Variants in PGR observed in about 807,000 individuals in gnomAD.
PGR encodes progesterone receptor.
PGR carries 25 observed loss-of-function variants against 76.1 expected under a neutral mutation model. The ratio of observed to expected loss-of-function variants is 0.33; its 90% CI spans 0.24 to 0.46. The LOEUF (loss-of-function observed/expected upper bound fraction) is 0.46, where lower values mean the gene tolerates loss of function less well. PGR is among the 20% of genes least tolerant of loss of function. PGR has a pLI of 1.00. For synonymous variants in PGR, 579 were observed against 535.0 expected, an observed-to-expected ratio of 1.08 and a Z score of -1.14; for missense variants, 1,172 against 1,225.3, an observed-to-expected ratio of 0.96 and a Z score of 0.65.
chr11:101,117,549 C>T (rs1216732288), intron 2 of PGR, among the ~76,000 whole-genome samples: 1 of 151,950 alleles, frequency 6.6e-6, no homozygotes, highest in African/African-American at 2.4e-5. Flanking sequence ...AGAAAGTTTT[C>T]CATCCCAAGA....
intron 3 of PGR, among the ~76,000 whole-genome samples, chr11:101,079,084 G>A (rs1861220441): frequency 6.6e-6 from 1 of 152,030 alleles, no homozygotes; most frequent in South Asian, 2.1e-4. Context: ...CCTATATGCA[G>A]AAAACAGAAC....
At chr11:101,057,853 T>C (rs191209785) in intron 4 of PGR, among the ~76,000 whole-genome samples, 14 of 152,264 alleles carry the variant, frequency 9.2e-5, no homozygotes, top group Admixed American at 7.2e-4. Context: ...GGTGGAGCTG[T>C]GTAATAAGCA....
At chr11:101,073,073 A>G (rs1861000385) in intron 3 of PGR, among the ~76,000 whole-genome samples, 1 of 152,224 alleles carries the variant, frequency 6.6e-6, no homozygotes, top group Admixed American at 6.5e-5. Context: ...CATAATTGGA[A>G]GTAAAACACT....
intron 4 of PGR, among the ~76,000 whole-genome samples, chr11:101,053,478 T>G (rs1201414960): frequency 6.7e-6 from 1 of 149,644 alleles, no homozygotes; most frequent in Non-Finnish European, 1.5e-5. Flanking sequence ...CTCTTCAATG[T>G]CTAACCTTTT....
rs577984643 is a variant in PGR at position 101,116,632 on chromosome 11, C to A, written c.1789+9375G>T. Among the ~76,000 whole-genome samples, 98 of 148,470 alleles carry A rather than the reference C, an allele frequency of 6.6e-4. 1 individual carries two copies. Among genetic ancestry groups the A allele is most frequent in the Non-Finnish European group, 1.1e-3 (76 of 67,378 alleles). On this transcript the variant is annotated intron_variant, in intron 2 of 7. Transcript: ENST00000325455. ...GTGGGCACCTGTAATCCCAGCTATTCGGGAGGCTGAGGCAGGAGAATCACT... is the reference window on the plus strand; with the variant it reads ...GTGGGCACCTGTAATCCCAGCTATTAGGGAGGCTGAGGCAGGAGAATCACT...
At chr11:101,059,593 G>T (rs2135406607) in intron 4 of PGR, among the ~76,000 whole-genome samples, 1 of 152,116 alleles carries the variant, frequency 6.6e-6, no homozygotes, top group East Asian at 1.9e-4. Flanking sequence ...CAGCACTTTG[G>T]GAGGCTGAGG....
At chr11:101,105,935 C>CA (rs1183420603) in intron 2 of PGR, among the ~76,000 whole-genome samples, 3 of 152,098 alleles carry the variant, frequency 2.0e-5, no homozygotes, top group Non-Finnish European at 4.4e-5. Flanking sequence ...CATATACAAC[C>CA]ATCTGATCTT....
At chr11:101,085,152 C>G (rs1268975358) in intron 3 of PGR, among the ~76,000 whole-genome samples, 2 of 152,146 alleles carry the variant, frequency 1.3e-5, no homozygotes, top group Non-Finnish European at 2.9e-5. Flanking sequence ...CATCTGTACA[C>G]AGAACATATA....
chr11:101,034,180 A>G lies in PGR; in HGVS notation c.*4936T>C, dbSNP rs189706946. ...CTCTCCCATGTCTCCATGAGTGGAA[A>G]AAAAGCAAACAAACCTGTGTTTAAC... On this transcript the variant is annotated 3_prime_UTR_variant, in exon 8 of 8. Transcript: ENST00000325455. 166 of 225,680 alleles carry G rather than the reference A, an allele frequency of 7.4e-4. No individual in the cohort carries two copies. Among genetic ancestry groups the G allele is most frequent in the African/African-American group, 3.1e-3 (140 of 45,072 alleles). 14.0% of individuals were successfully genotyped at this position (225,680 alleles called of 1,614,324 possible). A position where few individuals can be genotyped will look rare whatever the true frequency, so the allele number is the denominator to read the frequency against.
intron 2 of PGR, among the ~76,000 whole-genome samples, chr11:101,113,260 T>C (rs1252543721): frequency 1.3e-5 from 2 of 152,036 alleles, no homozygotes; most frequent in Non-Finnish European, 2.9e-5. Flanking sequence ...TACCTTCTGC[T>C]AAATATCTTC....
intron 3 of PGR, among the ~76,000 whole-genome samples, chr11:101,077,579 G>A (rs1861169372): frequency 1.3e-5 from 2 of 152,216 alleles, no homozygotes; most frequent in South Asian, 4.1e-4. Context: ...ACTGAGTCTA[G>A]AAAATAATAA....
intron 6 of PGR, among the ~76,000 whole-genome samples, chr11:101,048,962 C>T (rs1219551009): frequency 6.6e-6 from 1 of 151,978 alleles, no homozygotes; most frequent in Non-Finnish European, 1.5e-5. Flanking sequence ...TTAGGCTGGA[C>T]TTAAAACTCC....
At chr11:101,090,977 C>T (rs1861657655) in intron 3 of PGR, among the ~76,000 whole-genome samples, 1 of 152,172 alleles carries the variant, frequency 6.6e-6, no homozygotes, top group South Asian at 2.1e-4. Context: ...ACATTTTTAG[C>T]TTTAACAATT....
intron 7 of PGR, among the ~76,000 whole-genome samples, 196 bp from the exon 8 acceptor site, chr11:101,039,467 T>C (rs938212728): frequency 6.6e-6 from 1 of 151,976 alleles, no homozygotes; most frequent in Non-Finnish European, 1.5e-5. Context: ...TGATAGAACA[T>C]TCTGATATTA....
intron 6 of PGR, among the ~76,000 whole-genome samples, chr11:101,043,057 A>G (rs1859746522): frequency 1.3e-5 from 2 of 152,322 alleles, no homozygotes; most frequent in South Asian, 4.1e-4. Flanking sequence ...AGTTTGCTGC[A>G]TCAGTTGACT....
At chr11:101,049,230 G>A (rs1057154821) in intron 6 of PGR, among the ~76,000 whole-genome samples, 1 of 152,020 alleles carries the variant, frequency 6.6e-6, no homozygotes, top group Admixed American at 6.6e-5. Context: ...TCTTCAGGGG[G>A]CAGTAACACA....
chr11:101,070,145 G>A (rs747047313), intron 3 of PGR, among the ~76,000 whole-genome samples: 14 of 152,120 alleles, frequency 9.2e-5, no homozygotes, highest in Non-Finnish European at 1.6e-4. Flanking sequence ...ATTGGGACTG[G>A]CTAGACAGTA....
At chr11:101,084,655 C>CT (rs1555056458) in intron 3 of PGR, among the ~76,000 whole-genome samples, 2 of 126,670 alleles carry the variant, frequency 1.6e-5, no homozygotes, top group Non-Finnish European at 3.2e-5. Flanking sequence ...AAGACTCCAT[C>CT]TAAAAAAAAA....
chr11:101,117,768 T>C (rs1470869205), intron 2 of PGR, among the ~76,000 whole-genome samples: 1 of 152,156 alleles, frequency 6.6e-6, no homozygotes, highest in Non-Finnish European at 1.5e-5. Context: ...TCTTACTAGC[T>C]CAATAAACTA....
Sources: gnomAD v4.1 joint callset for allele counts (sites outside exome capture counted in the v4.1 genomes callset) on GRCh38, gnomAD v4.1.1 for gene constraint, MANE v1.5 for transcripts, NCBI Gene and HGNC (gene_info 2026-07-23, HGNC 2026-07-21) for gene names.